DYSF: variants seen among roughly 807,000 people sequenced by gnomAD.
The protein encoded by DYSF is dystrophy-associated fer-1-like 1.
In DYSF, 212 loss-of-function variants were observed where a neutral mutation model predicts 274.9. The ratio of observed to expected loss-of-function variants is 0.77; its 90% CI spans 0.69 to 0.86. DYSF has a LOEUF of 0.86. DYSF is among the 40% of genes least tolerant of loss of function. The pLI, the probability that DYSF is intolerant of heterozygous loss-of-function variation, is 0.00. For missense variants in DYSF, 2,666 were observed against 2,783.2 expected (o/e 0.96, Z 0.95); for synonymous variants, 1,091 against 1,078.7 (o/e 1.01, Z -0.22).
At position 71,643,959 on chromosome 2, in the gene DYSF, A is replaced by G. The variant is rs775423013; in HGVS notation, c.4528-6A>G. 3.6e-5 allele frequency: 57 copies of G among 1,604,422 alleles called. No individual in the cohort carries two copies. The highest frequency in any genetic ancestry group is 4.7e-5 in the Non-Finnish European group (55 of 1,174,314). On this transcript the variant is annotated splice_polypyrimidine_tract_variant and splice_region_variant and intron_variant, in intron 41 of 55. Coordinates refer to ENST00000410020, the MANE Select transcript of DYSF (RefSeq NM_001130987.2). ...TGAAATGGTCTCTTTCTTTCTACCC[A>G]CTCAGGAGGAAGAGTTCATCGATTG...
chr2:71,553,712 A>T (rs2091126438), intron 20 of DYSF, 95 bp from the exon 21 acceptor site: 1 of 1,193,998 alleles, frequency 8.4e-7, no homozygotes, highest in Admixed American at 2.0e-5. Context: ...TGCCAGTCCT[A>T]GCCCTGGAGT....
intron 27 of DYSF, 89 bp from the exon 28 acceptor site, chr2:71,570,140 A>G: frequency 8.0e-7 from 1 of 1,242,334 alleles, no homozygotes; most frequent in South Asian, 1.2e-5. Flanking sequence ...GACTTGGAGG[A>G]CGTATGTTGT....
At chr2:71,525,869 T>A (rs78697703) in intron 12 of DYSF, among the ~76,000 whole-genome samples, 3,147 of 152,258 alleles carry the variant, frequency 0.021, 101 homozygotes, top group African/African-American at 0.068. Context: ...AGTGGCCAGC[T>A]TAGACCTCAG....
At chr2:71,553,678 C>G in intron 20 of DYSF, 129 bp from the exon 21 acceptor site, 1 of 1,198,378 alleles carries the variant, frequency 8.3e-7, no homozygotes, top group Non-Finnish European at 1.2e-6. Context: ...GTCTCTGTCC[C>G]ACGTGTGGTC....
intron 51 of DYSF, 124 bp downstream of exon 51, chr2:71,669,870 A>G (rs532736533): frequency 7.6e-7 from 1 of 1,314,068 alleles, no homozygotes; most frequent in African/African-American, 1.4e-5. Context: ...TGTTGGAGCT[A>G]CCACTGCCAT....
chr2:71,535,202 G>T, intron 15 of DYSF, 66 bp from the exon 16 acceptor site: 3 of 1,598,382 alleles, frequency 1.9e-6, no homozygotes, highest in South Asian at 2.2e-5. Flanking sequence ...TTCAGCTCGG[G>T]GTAGGGAGGG....
upstream of DYSF, among the ~76,000 whole-genome samples, chr2:71,466,523 C>T (rs6752164): frequency 0.23 from 35,044 of 152,070 alleles, 4,507 homozygotes; most frequent in East Asian, 0.45. Context: ...GCGCCTCGTT[C>T]CTGGCCGGGA....
intron 40 of DYSF, among the ~76,000 whole-genome samples, chr2:71,617,689 G>GGT (rs2093921676): frequency 8.0e-6 from 1 of 124,428 alleles, no homozygotes; most frequent in African/African-American, 3.3e-5. Context: ...GTAGAGGTGG[G>GGT]GTGTGTGCGT....
intron 17 of DYSF, among the ~76,000 whole-genome samples, chr2:71,548,423 C>CCA (rs2090653129): frequency 2.6e-5 from 4 of 152,164 alleles, no homozygotes; most frequent in Admixed American, 2.6e-4. Flanking sequence ...AGTTCACCAA[C>CCA]CACATCCCGG....
intron 14 of DYSF, among the ~76,000 whole-genome samples, chr2:71,529,254 A>G (rs923282200): frequency 6.6e-6 from 1 of 151,972 alleles, no homozygotes; most frequent in African/African-American, 2.4e-5. Context: ...CTAGCTTTTG[A>G]CTTTAAACTT....
Position 71,669,018 on chromosome 2 carries a change from T to C in DYSF, c.5547-94T>C, listed in dbSNP as rs998165995. On this transcript the variant is annotated intron_variant, in intron 49 of 55. Transcript: ENST00000410020. ...CCAGCCAGGCAGGCATCGAGTCCTC[T>C]TGGACCAGTCTGCTTCTTGGCTTCT... 3 of 1,325,832 alleles carry C rather than the reference T, an allele frequency of 2.3e-6. No homozygotes were observed. The African/African-American group carries it at 4.4e-5, about 19-fold the overall frequency. The allele number at this position is 1,325,832 out of a possible 1,614,324, so 82.1% of individuals were successfully genotyped here. A position where few individuals can be genotyped will look rare whatever the true frequency, so the allele number is the denominator to read the frequency against.
chr2:71,604,569 G>A (rs2093613567), intron 36 of DYSF, among the ~76,000 whole-genome samples: 1 of 152,206 alleles, frequency 6.6e-6, no homozygotes, highest in Non-Finnish European at 1.5e-5. Flanking sequence ...CTGTCTGGCT[G>A]CAGGAGGTGT....
At chr2:71,652,975 G>C (rs1345730062) in intron 42 of DYSF, among the ~76,000 whole-genome samples, 2 of 152,210 alleles carry the variant, frequency 1.3e-5, no homozygotes, top group Non-Finnish European at 2.9e-5. Flanking sequence ...AAATTGAATT[G>C]AGTGTTGAAT....
chr2:71,677,019 A>G (rs1424684070), intron 52 of DYSF, among the ~76,000 whole-genome samples: 1 of 152,164 alleles, frequency 6.6e-6, no homozygotes, highest in Admixed American at 6.6e-5. Flanking sequence ...ACATTCATTC[A>G]TCTGCACTGG....
chr2:71,504,620 G>T (rs2085308295), intron 4 of DYSF, among the ~76,000 whole-genome samples: 1 of 152,198 alleles, frequency 6.6e-6, no homozygotes, highest in Non-Finnish European at 1.5e-5. Context: ...AGGGATGATA[G>T]GTATCAAGGC....
rs1295969633 is a variant in DYSF at position 71,669,193 on chromosome 2, C to T, written c.5628C>T (p.Asp1876=). The change falls in exon 50 of 56, where the codon GAC becomes GAT. Residue 1876 remains aspartate, a synonymous_variant. Coordinates refer to ENST00000410020, the MANE Select transcript of DYSF (RefSeq NM_001130987.2). ...GCCTCACGGGGGAGAAGATGAGCGA[C>T]ATTTATGTGAAAGGGTAGGGAGCCA... is the stretch of plus-strand genomic sequence containing the variant. The part of the protein sequence containing the change: ...DLSLTGEKMS[D]IYVKGWMIGF... The T allele has an allele frequency of 2.5e-6, 4 of 1,607,944 alleles. No homozygotes were observed. The highest frequency in any genetic ancestry group is 1.7e-5 in the Admixed American group (1 of 59,214).
At position 71,475,196 on chromosome 2, in the gene DYSF, T is replaced by TA. The variant is rs2082312002; in HGVS notation, c.92-5687_92-5686insA. On this transcript the variant is annotated intron_variant, in intron 1 of 55. Transcript: ENST00000410020. ...CCCTTCCCCCACATGGCGCCTCCTT[T>TA]CTTCCTCCCTCCGCTGACAAACAGC... Among the ~76,000 whole-genome samples the TA allele has an allele frequency of 2.6e-5, 4 of 152,276 alleles. No homozygotes were observed. In the South Asian group the frequency reaches 8.3e-4, roughly 32 times the overall value.
Position 71,602,777 on chromosome 2 carries a change from T to A in DYSF, c.3929T>A (p.Val1310Glu), listed in dbSNP as rs747160217. The part of the protein sequence containing the change: ...PAIHHIPGFE[V>E]QETSRILDES... ...CCACATCCCATGGCTGTGGGCCAGG[T>A]GCAGGAGACATCAAGGATCCTGGAT... is the stretch of plus-strand genomic sequence containing the variant. Residue 1310 changes from valine to glutamate, a missense_variant and splice_region_variant, in exon 36 of 56, where the codon GTG becomes GAG. This residue lies in a region of DYSF where 1,460 missense variants were observed against 1,502.1 expected (regional missense o/e 0.97). Coordinates refer to ENST00000410020, the MANE Select transcript of DYSF (RefSeq NM_001130987.2). The A allele has an allele frequency of 1.9e-6, 3 of 1,613,112 alleles. No individual in the cohort carries two copies. The highest frequency in any genetic ancestry group is 2.5e-6 in the Non-Finnish European group (3 of 1,179,884).
chr2:71,571,855 C>T (rs1271527445), intron 29 of DYSF, among the ~76,000 whole-genome samples: 3 of 138,474 alleles, frequency 2.2e-5, no homozygotes, highest in Non-Finnish European at 4.7e-5. Context: ...AGATCACACC[C>T]ACCACACACA....
Sources: allele counts gnomAD v4.1 joint callset (sites outside exome capture counted in the v4.1 genomes callset), GRCh38; gene constraint gnomAD v4.1.1; regional missense constraint gnomAD v4.1.1; transcripts MANE v1.5; gene names NCBI Gene and HGNC (gene_info 2026-07-23, HGNC 2026-07-21).